The following SENP5 variants were observed in gnomAD, a reference collection of about 807,000 sequenced individuals.
SENP5 encodes the protein sentrin-specific protease 5.
In SENP5, 21 loss-of-function variants were observed where a neutral mutation model predicts 74.2. That is an observed-to-expected ratio of 0.28 (90% CI 0.20 to 0.41). The LOEUF (loss-of-function observed/expected upper bound fraction) is 0.41. Among genes scored for constraint, SENP5 ranks in the 10% least tolerant of loss-of-function variants. The probability of loss-of-function intolerance (pLI) is 1.00; values close to 1 mark genes in which losing one functional copy is unlikely to be tolerated. For missense variants in SENP5, 717 were observed against 889.1 expected (o/e 0.81, Z 2.46); for synonymous variants, 311 against 312.7 (o/e 0.99, Z 0.06).
At chr3:196,871,348 G>C (rs1713208468) in intron 1 of SENP5, among the ~76,000 whole-genome samples, 1 of 152,110 alleles carries the variant, frequency 6.6e-6, no homozygotes, top group South Asian at 2.1e-4. Flanking sequence ...CATTCTGACA[G>C]GAGACAAGTA....
chr3:196,873,744 G>A (rs1713328590), intron 1 of SENP5, among the ~76,000 whole-genome samples: 1 of 152,120 alleles, frequency 6.6e-6, no homozygotes, highest in Non-Finnish European at 1.5e-5. Flanking sequence ...GGAGGCTGAG[G>A]CAGGAGAATC....
chr3:196,903,381 C>G (rs1236119187), intron 5 of SENP5, 152 bp from the exon 6 acceptor site: 8 of 506,702 alleles, frequency 1.6e-5, no homozygotes, highest in Non-Finnish European at 2.8e-5. Flanking sequence ...CCCAGATGAT[C>G]CACTTGCCTC....
intron 1 of SENP5, among the ~76,000 whole-genome samples, chr3:196,882,114 G>A (rs1713752767): frequency 6.6e-6 from 1 of 151,824 alleles, no homozygotes; most frequent in Non-Finnish European, 1.5e-5. Flanking sequence ...GGCCAGGTTG[G>A]TCTCGAACTC....
chr3:196,889,173 A>G (rs775817715), intron 2 of SENP5, among the ~76,000 whole-genome samples: 6 of 151,834 alleles, frequency 4.0e-5, no homozygotes, highest in Non-Finnish European at 7.4e-5. Context: ...AAAGACACAA[A>G]GTACAGAGTC....
chr3:196,868,880 A>ACGTTTTTTTTTTGTT (rs1713068872), intron 1 of SENP5, among the ~76,000 whole-genome samples: 1 of 142,244 alleles, frequency 7.0e-6, no homozygotes, highest in East Asian at 2.0e-4. Flanking sequence ...GTTCCTACTT[A>ACGTTTTTTTTTTGTT]TGTTTTTTTT....
At chr3:196,870,460 A>T (rs145271048) in intron 1 of SENP5, among the ~76,000 whole-genome samples, 466 of 152,234 alleles carry the variant, frequency 3.1e-3, no homozygotes, top group African/African-American at 9.4e-3. Context: ...TACATCACAG[A>T]TTCTCCAAAT....
rs563849932 is a variant in SENP5 at position 196,911,471 on chromosome 3, T to C, written c.1884+7861T>C. The stretch of plus-strand genomic sequence containing the variant: ...TACTCGAGAGGCTGAGACAGGAGAA[T>C]TGCTTGACCTGGGAAGTGGAAGTTG... On this transcript the variant is annotated intron_variant, in intron 6 of 9. Coordinates refer to ENST00000323460, the MANE Select transcript of SENP5 (RefSeq NM_152699.5). Among the ~76,000 whole-genome samples the C allele has an allele frequency of 2.6e-5, 4 of 151,860 alleles. No homozygotes were observed. The East Asian group carries it at 7.7e-4, about 29-fold the overall frequency.
chr3:196,877,691 A>G (rs7615073), intron 1 of SENP5, among the ~76,000 whole-genome samples: 33,848 of 152,066 alleles, frequency 0.22, 3,884 homozygotes, highest in African/African-American at 0.28. Flanking sequence ...CTAGTAGTTT[A>G]TAAGGTGTTT....
chr3:196,898,576 TAGAA>T (rs909158798), intron 2 of SENP5, among the ~76,000 whole-genome samples: 2 of 151,866 alleles, frequency 1.3e-5, no homozygotes, highest in Admixed American at 6.6e-5. Context: ...GCTGGGATGA[TAGAA>T]AGAGACCCCA....
At chr3:196,903,165 A>T (rs1714766558) in intron 5 of SENP5, among the ~76,000 whole-genome samples, 1 of 151,954 alleles carries the variant, frequency 6.6e-6, no homozygotes, top group Non-Finnish European at 1.5e-5. Context: ...TTTGAGACGG[A>T]GTTTTGCTCT....
intron 2 of SENP5, among the ~76,000 whole-genome samples, chr3:196,887,127 C>T (rs1714007491): frequency 1.3e-5 from 2 of 152,072 alleles, no homozygotes; most frequent in Admixed American, 6.6e-5. Context: ...TAAGTTTGAA[C>T]ATCTGTTTCT....
At position 196,934,624 on chromosome 3, in the gene SENP5, TTTA is replaced by T. The variant is rs1479727222; in HGVS notation, c.*3704_*3706del. The T allele has an allele frequency of 3.3e-5, 5 of 152,358 alleles. No individual in the cohort carries two copies. Among genetic ancestry groups the T allele is most frequent in the African/African-American group, 1.2e-4 (5 of 41,582 alleles). The allele number at this position is 152,358 out of a possible 1,614,324, so 9.4% of individuals were successfully genotyped here. A position where few individuals can be genotyped will look rare whatever the true frequency, so the allele number is the denominator to read the frequency against. On this transcript the variant is annotated 3_prime_UTR_variant, in exon 10 of 10. Coordinates refer to ENST00000323460, the MANE Select transcript of SENP5 (RefSeq NM_152699.5). ...TGGTACCTGTTGGTCAGAAAAAGAA[TTTA>T]TTTAGAGATTATGATCATGTAAAAT...
chr3:196,880,932 C>T (rs533093013), intron 1 of SENP5, among the ~76,000 whole-genome samples: 7 of 150,270 alleles, frequency 4.7e-5, no homozygotes, highest in East Asian at 3.9e-4. Context: ...TGAGCCACCG[C>T]GCCTGGCCCT....
chr3:196,925,193 T>C (rs1427360157), intron 7 of SENP5, among the ~76,000 whole-genome samples: 1 of 152,106 alleles, frequency 6.6e-6, no homozygotes, highest in Non-Finnish European at 1.5e-5. Flanking sequence ...GGAGAATATT[T>C]TCTTGTATTA....
chr3:196,884,367 A>G (rs1371486195), intron 1 of SENP5, among the ~76,000 whole-genome samples: 1 of 152,242 alleles, frequency 6.6e-6, no homozygotes, highest in Non-Finnish European at 1.5e-5. Flanking sequence ...ACACTCTAGA[A>G]GTAGATGGAA....
chr3:196,895,472 C>T (rs2108830136), intron 2 of SENP5, among the ~76,000 whole-genome samples: 1 of 152,036 alleles, frequency 6.6e-6, no homozygotes, highest in East Asian at 1.9e-4. Context: ...AGGCGTAAGC[C>T]ACCGCGCCCG....
chr3:196,914,421 A>T (rs1054311995), intron 6 of SENP5: 1 of 151,496 alleles, frequency 6.6e-6, no homozygotes, highest in Non-Finnish European at 1.5e-5. Flanking sequence ...TAGGGGTAAA[A>T]TATTGTGATT....
intron 6 of SENP5, among the ~76,000 whole-genome samples, chr3:196,907,669 C>T (rs755711223): frequency 6.6e-6 from 1 of 151,940 alleles, no homozygotes; most frequent in Non-Finnish European, 1.5e-5. Flanking sequence ...TTTTGGCTTC[C>T]CTGAGCCTCA....
intron 9 of SENP5, 83 bp from the exon 10 acceptor site, chr3:196,930,730 A>T: frequency 1.1e-6 from 1 of 881,762 alleles, no homozygotes; most frequent in Non-Finnish European, 1.9e-6. Context: ...AGACACTATT[A>T]GGTCTGCATT....
Sources: gnomAD v4.1 joint callset for allele counts (sites outside exome capture counted in the v4.1 genomes callset) on GRCh38, gnomAD v4.1.1 for gene constraint, MANE v1.5 for transcripts, NCBI Gene and HGNC (gene_info 2026-07-23, HGNC 2026-07-21) for gene names.